Variants in PITPNC1 observed in about 807,000 individuals in gnomAD.
The protein encoded by PITPNC1 is phosphatidylinositol transfer protein cytoplasmic 1, also known as cytoplasmic phosphatidylinositol transfer protein 1.
In PITPNC1, 18 loss-of-function variants were observed where a neutral mutation model predicts 44.7. The observed-to-expected ratio is 0.40, with a 90% CI of 0.28 to 0.60. The LOEUF is 0.60. PITPNC1 is among the 20% of genes least tolerant of loss of function. The probability of loss-of-function intolerance (pLI) is 0.39; values close to 1 mark genes in which losing one functional copy is unlikely to be tolerated. For missense variants in PITPNC1, 290 were observed against 418.4 expected (o/e 0.69, Z 2.68); for synonymous variants, 141 against 149.6 (o/e 0.94, Z 0.42).
chr17:67,466,699 GTCTGCACCT>G (rs2039432729), intron 1 of PITPNC1, among the ~76,000 whole-genome samples: 1 of 152,160 alleles, frequency 6.6e-6, no homozygotes, highest in African/African-American at 2.4e-5. Context: ...GGAGTCAGAT[GTCTGCACCT>G]TCTGCACCTG....
At position 67,527,142 on chromosome 17, in the gene PITPNC1, T is replaced by G. The variant is rs1231092280; in HGVS notation, c.49-5660T>G. Among the ~76,000 whole-genome samples, 4 of 152,374 alleles carry G rather than the reference T, an allele frequency of 2.6e-5. No individual in the cohort carries two copies. The East Asian group carries it at 7.7e-4, about 29-fold the overall frequency. The stretch of plus-strand genomic sequence containing the variant: ...TTCAATCAGATTTTTGTTACTCATC[T>G]TCTGCAATAGCAAAGGTCAGAGGCA... On this transcript the variant is annotated intron_variant, in intron 1 of 8. Transcript: ENST00000581322.
chr17:67,673,671 C>T (rs2042549851), intron 7 of PITPNC1, among the ~76,000 whole-genome samples: 1 of 152,086 alleles, frequency 6.6e-6, no homozygotes, highest in Admixed American at 6.6e-5. Flanking sequence ...AAAATTGAGG[C>T]CAGGCGTGGT....
chr17:67,444,543 A>T (rs1426930579), intron 1 of PITPNC1, among the ~76,000 whole-genome samples: 1 of 152,042 alleles, frequency 6.6e-6, no homozygotes, highest in Non-Finnish European at 1.5e-5. Context: ...TAAGGAAAAA[A>T]CTTTGCCTTT....
intron 1 of PITPNC1, among the ~76,000 whole-genome samples, chr17:67,488,157 C>G (rs2039809426): frequency 6.6e-6 from 1 of 152,122 alleles, no homozygotes; most frequent in Non-Finnish European, 1.5e-5. Context: ...TTGAGTCAAC[C>G]CATCGCAGAA....
At chr17:67,688,053 A>AT (rs1009162450) in intron 8 of PITPNC1, among the ~76,000 whole-genome samples, 16 of 150,198 alleles carry the variant, frequency 1.1e-4, no homozygotes, top group Non-Finnish European at 2.1e-4. Context: ...AAAAAAAAAA[A>AT]ATCAGCTGGG....
chr17:67,402,851 G>C (rs2038338812), intron 1 of PITPNC1, among the ~76,000 whole-genome samples: 1 of 152,062 alleles, frequency 6.6e-6, no homozygotes, highest in African/African-American at 2.4e-5. Context: ...GTTTTTAGTA[G>C]AGACAGAGTT....
intron 1 of PITPNC1, among the ~76,000 whole-genome samples, chr17:67,526,492 G>A (rs1036569003): frequency 3.9e-5 from 6 of 152,186 alleles, no homozygotes; most frequent in African/African-American, 1.4e-4. Context: ...ACTTTGGGAG[G>A]CTGAGGCGGG....
At chr17:67,467,957 G>A (rs936621280) in intron 1 of PITPNC1, among the ~76,000 whole-genome samples, 1 of 152,328 alleles carries the variant, frequency 6.6e-6, no homozygotes, top group South Asian at 2.1e-4. Flanking sequence ...TTTCATGCCA[G>A]CCTCTCGGCT....
intron 1 of PITPNC1, among the ~76,000 whole-genome samples, chr17:67,510,526 T>TA (rs1420488467): frequency 5.3e-5 from 8 of 152,138 alleles, no homozygotes; most frequent in African/African-American, 1.9e-4. Flanking sequence ...AGCCCTTCAC[T>TA]ACTCAAGAGG....
At chr17:67,407,103 G>GCCTGCACCGTTTTACATTC (rs1410411774) in intron 1 of PITPNC1, among the ~76,000 whole-genome samples, 9 of 152,320 alleles carry the variant, frequency 5.9e-5, no homozygotes, top group Admixed American at 2.6e-4. Flanking sequence ...TTTCCACAGT[G>GCCTGCACCGTTTTACATTC]CCTGCACCGT....
At chr17:67,523,935 C>T (rs373413277) in intron 1 of PITPNC1, among the ~76,000 whole-genome samples, 3 of 151,640 alleles carry the variant, frequency 2.0e-5, no homozygotes, top group African/African-American at 7.3e-5. Flanking sequence ...CCTCAGCCTC[C>T]TGAGTACCTG....
At chr17:67,509,263 G>A (rs1419991423) in intron 1 of PITPNC1, among the ~76,000 whole-genome samples, 1 of 151,648 alleles carries the variant, frequency 6.6e-6, no homozygotes, top group Non-Finnish European at 1.5e-5. Flanking sequence ...AATAGGCCGG[G>A]CGTGGTGGCT....
At chr17:67,622,270 A>AG (rs1421020093) in intron 5 of PITPNC1, among the ~76,000 whole-genome samples, 1 of 151,018 alleles carries the variant, frequency 6.6e-6, no homozygotes, top group African/African-American at 2.4e-5. Flanking sequence ...AAAAAAAAAA[A>AG]AAAGAAAAGA....
chr17:67,476,891 G>C (rs1010184595), intron 1 of PITPNC1, among the ~76,000 whole-genome samples: 2 of 152,164 alleles, frequency 1.3e-5, no homozygotes, highest in African/African-American at 4.8e-5. Flanking sequence ...CCATGAACCA[G>C]TCGCATCAGC....
At chr17:67,624,230 T>TTC (rs1567745244) in intron 5 of PITPNC1, among the ~76,000 whole-genome samples, 1 of 147,118 alleles carries the variant, frequency 6.8e-6, no homozygotes, top group African/African-American at 2.5e-5. Context: ...TTTTTTTTTT[T>TTC]CCTCAGGGTT....
intron 1 of PITPNC1, among the ~76,000 whole-genome samples, chr17:67,511,007 A>G (rs1285121460): frequency 6.6e-6 from 1 of 152,112 alleles, no homozygotes; most frequent in African/African-American, 2.4e-5. Flanking sequence ...GGTAATTGCC[A>G]TTAACAATGG....
intron 1 of PITPNC1, among the ~76,000 whole-genome samples, chr17:67,493,619 A>G (rs973285444): frequency 6.6e-6 from 1 of 152,156 alleles, no homozygotes; most frequent in African/African-American, 2.4e-5. Flanking sequence ...GCTGCTTTGG[A>G]TTTGCCTGAT....
chr17:67,591,773 C>T (rs1169453840), intron 5 of PITPNC1, among the ~76,000 whole-genome samples: 1 of 151,966 alleles, frequency 6.6e-6, no homozygotes, highest in Non-Finnish European at 1.5e-5. Flanking sequence ...GCAGTGGCAC[C>T]ATCACGGCGT....
intron 1 of PITPNC1, among the ~76,000 whole-genome samples, chr17:67,406,214 C>T (rs8071204): frequency 0.09 from 13,656 of 152,178 alleles, 651 homozygotes; most frequent in African/African-American, 0.12. Context: ...GCGATCATCA[C>T]GCACTACAGC....
Sources: allele counts gnomAD v4.1 joint callset (sites outside exome capture counted in the v4.1 genomes callset), GRCh38; gene constraint gnomAD v4.1.1; transcripts MANE v1.5; gene names NCBI Gene and HGNC (gene_info 2026-07-23, HGNC 2026-07-21).